NFATC2: variants seen among roughly 807,000 people sequenced by gnomAD.
NFATC2 encodes nuclear factor of activated T cells 2.
Under a neutral mutation model 87.3 loss-of-function variants are expected in NFATC2, and 22 were observed. That is an observed-to-expected ratio of 0.25 (90% confidence interval 0.18 to 0.36). The LOEUF is 0.36. NFATC2 is among the 10% of genes least tolerant of loss of function. NFATC2 has a pLI of 1.00. For missense variants in NFATC2, 1,149 were observed against 1,259.1 expected (o/e 0.91, Z 1.32); for synonymous variants, 565 against 542.2 (o/e 1.04, Z -0.58).
chr20:51,541,123 G>A (rs1244597645), intron 1 of NFATC2, among the ~76,000 whole-genome samples: 4 of 151,998 alleles, frequency 2.6e-5, no homozygotes, highest in Admixed American at 6.5e-5. Flanking sequence ...CTCACCTAAC[G>A]TGGCCAGAGA....
chr20:51,525,910 C>T (rs1483494066), intron 1 of NFATC2, among the ~76,000 whole-genome samples: 3 of 150,160 alleles, frequency 2.0e-5, no homozygotes, highest in Non-Finnish European at 4.4e-5. Flanking sequence ...GCATGTGCCC[C>T]GGCCTGCCAC....
At chr20:51,467,355 G>T (rs1289797203) in intron 5 of NFATC2, among the ~76,000 whole-genome samples, 1 of 151,104 alleles carries the variant, frequency 6.6e-6, no homozygotes, top group African/African-American at 2.4e-5. Context: ...TCAGGAGTTC[G>T]AGACCAGCCT....
At chr20:51,461,963 A>T (rs1285592185) in intron 5 of NFATC2, among the ~76,000 whole-genome samples, 1 of 151,790 alleles carries the variant, frequency 6.6e-6, no homozygotes, top group Admixed American at 6.6e-5. Flanking sequence ...TAAAACTACA[A>T]AAAAAGTTAG....
At chr20:51,541,691 C>G (rs1046581880) in intron 1 of NFATC2, among the ~76,000 whole-genome samples, 2 of 152,166 alleles carry the variant, frequency 1.3e-5, no homozygotes, top group Admixed American at 1.3e-4. Context: ...ATAGCTCAGA[C>G]CAATCCTCTT....
chr20:51,558,732 T>C (rs558633032), intron 1 of NFATC2, among the ~76,000 whole-genome samples: 32 of 152,356 alleles, frequency 2.1e-4, no homozygotes, highest in Non-Finnish European at 4.0e-4. Context: ...GCCCTGCTCC[T>C]ATGGTTCTGA....
chr20:51,410,299 T>C (rs113105689), intron 9 of NFATC2, among the ~76,000 whole-genome samples: 2,753 of 152,086 alleles, frequency 0.018, 95 homozygotes, highest in African/African-American at 0.064. Context: ...AAAGAATTCT[T>C]CATTTTTAGG....
chr20:51,406,059 GAGCC>G (rs2146256901), intron 9 of NFATC2, among the ~76,000 whole-genome samples: 1 of 152,300 alleles, frequency 6.6e-6, no homozygotes, highest in Non-Finnish European at 1.5e-5. Context: ...TGACAGGTGT[GAGCC>G]ACCACACCCA....
chr20:51,402,811 T>C (rs980989243), intron 9 of NFATC2, among the ~76,000 whole-genome samples: 3 of 152,212 alleles, frequency 2.0e-5, no homozygotes, highest in African/African-American at 7.2e-5. Context: ...CACAGAATCA[T>C]GCAAAACCTC....
rs1379521861 is a variant in NFATC2 at position 51,432,653 on chromosome 20, C to T, written c.2136G>A (p.Pro712=). 8 of 1,548,184 alleles carry T rather than the reference C, an allele frequency of 5.2e-6. No individual in the cohort carries two copies. Among genetic ancestry groups the T allele is most frequent in the South Asian group, 1.2e-5 (1 of 81,576 alleles). ...GGCAGGAGGGGGACTCGGCCACCATCGGGTGCTGGGGGTAGTAAGGCTGGC... is the reference window on the plus strand; with the variant it reads ...GGCAGGAGGGGGACTCGGCCACCATTGGGTGCTGGGGGTAGTAAGGCTGGC... ...LGSQPYYPQH[P]MVAESPSCLV... Residue 712 remains proline, a synonymous_variant, in exon 9 of 11, where the codon CCG becomes CCA. Coordinates refer to ENST00000371564, the MANE Select transcript of NFATC2 (RefSeq NM_012340.5). The surrounding 1 kb of genome is among the most constrained non-coding windows in gnomAD (Gnocchi z 4.6).
At chr20:51,516,740 G>A in intron 3 of NFATC2, 44 bp downstream of exon 3, 1 of 1,549,952 alleles carries the variant, frequency 6.5e-7, no homozygotes, top group Non-Finnish European at 8.7e-7. Context: ...GAATCTCTTA[G>A]TGACAAACAC....
intron 1 of NFATC2, among the ~76,000 whole-genome samples, chr20:51,540,589 A>G (rs1453285151): frequency 6.7e-6 from 1 of 149,028 alleles, no homozygotes; most frequent in Non-Finnish European, 1.5e-5. Context: ...GTATATGGGA[A>G]CTCTCTGTGC....
chr20:51,477,558 T>TACAC (rs1988837210), intron 3 of NFATC2, among the ~76,000 whole-genome samples: 1 of 121,974 alleles, frequency 8.2e-6, no homozygotes, highest in African/African-American at 3.0e-5. Flanking sequence ...TATATATATA[T>TACAC]ATATATATAT....
At position 51,523,702 on chromosome 20, in the gene NFATC2, G is replaced by A. The variant is rs1167454307; in HGVS notation, c.539C>T (p.Ser180Phe). The change falls in exon 2 of 11, where the codon TCT (serine) becomes TTT (phenylalanine). Residue 180 changes from serine (S) to phenylalanine (F), a missense_variant. By Grantham distance (155) the Ser-to-Phe change is radical (BLOSUM62 -2). Coordinates refer to ENST00000371564, the MANE Select transcript of NFATC2 (RefSeq NM_012340.5). The surrounding 1 kb of genome is among the most constrained non-coding windows in gnomAD (Gnocchi z 6.9). ...ASSGSSASFI[S>F]DTFSPYTSPC... ...CGAGGTGTAGGGGGAGAAGGTGTCAGAAATGAAGCTGGCAGAGGAGCCGCT... is the reference window on the plus strand; with the variant it reads ...CGAGGTGTAGGGGGAGAAGGTGTCAAAAATGAAGCTGGCAGAGGAGCCGCT... 1.9e-6 allele frequency: 3 copies of A among 1,612,572 alleles called. No homozygotes were observed. The African/African-American group carries it at 4.0e-5, about 22-fold the overall frequency.
chr20:51,522,070 A>G (rs2146714134), intron 2 of NFATC2, among the ~76,000 whole-genome samples: 1 of 152,328 alleles, frequency 6.6e-6, no homozygotes, highest in South Asian at 2.1e-4. Flanking sequence ...GAGGATGTGC[A>G]TAGGTTATAT....
intron 1 of NFATC2, among the ~76,000 whole-genome samples, chr20:51,526,425 T>G (rs977903964): frequency 1.3e-5 from 2 of 152,118 alleles, no homozygotes; most frequent in African/African-American, 4.8e-5. Context: ...TCCTTGGCCC[T>G]TTAGAGAATT....
chr20:51,533,951 T>C (rs1383668083), intron 1 of NFATC2, among the ~76,000 whole-genome samples: 1 of 152,206 alleles, frequency 6.6e-6, no homozygotes, highest in Non-Finnish European at 1.5e-5. Context: ...CAAATCTGGA[T>C]GGGAAGAACT....
intron 1 of NFATC2, among the ~76,000 whole-genome samples, chr20:51,530,621 G>A (rs1600966413): frequency 6.6e-6 from 1 of 152,148 alleles, no homozygotes; most frequent in South Asian, 2.1e-4. Context: ...AGTACCAAAG[G>A]GAGGAAGAAG....
intron 5 of NFATC2, among the ~76,000 whole-genome samples, chr20:51,461,354 A>G (rs1987125829): frequency 6.6e-6 from 1 of 152,194 alleles, no homozygotes; most frequent in Non-Finnish European, 1.5e-5. Flanking sequence ...CAAACCAGGC[A>G]CCTTGCTTTT....
intron 3 of NFATC2, among the ~76,000 whole-genome samples, chr20:51,478,105 C>T (rs1490158144): frequency 6.6e-6 from 1 of 152,132 alleles, no homozygotes; most frequent in Non-Finnish European, 1.5e-5. Flanking sequence ...TGGAACTGTG[C>T]TAGATGATCA....
Sources: gnomAD v4.1 joint callset for allele counts (sites outside exome capture counted in the v4.1 genomes callset) on GRCh38, gnomAD v4.1.1 for gene constraint, Gnocchi (gnomAD v3.1) non-coding constraint, MANE v1.5 for transcripts, NCBI Gene and HGNC (gene_info 2026-07-23, HGNC 2026-07-21) for gene names.